Variants in SOX5 observed in about 807,000 individuals in gnomAD.
SOX5 encodes transcription factor SOX-5.
A neutral mutation model predicts 92.0 loss-of-function variants in SOX5; 9 were observed. The observed-to-expected ratio is 0.10, with a 90% CI of 0.06 to 0.17. SOX5 has a LOEUF of 0.17. SOX5 is among the 10% of genes least tolerant of loss of function. The pLI is 1.00. For synonymous variants in SOX5, 344 were observed against 336.3 expected (o/e 1.02, Z -0.25); for missense variants, 642 against 944.5 (o/e 0.68, Z 4.20).
chr12:23,801,318 C>A (rs1221522557), intron 3 of SOX5, among the ~76,000 whole-genome samples: 2 of 152,122 alleles, frequency 1.3e-5, no homozygotes, highest in African/African-American at 2.4e-5. Flanking sequence ...AGAACATGAA[C>A]AAGGAATAAG....
chr12:24,341,896 C>T (rs1357523024), intron 2 of SOX5, among the ~76,000 whole-genome samples: 1 of 152,194 alleles, frequency 6.6e-6, no homozygotes, highest in Admixed American at 6.5e-5. Context: ...AGGCCACCTC[C>T]TCCGTTGGTT....
At chr12:23,740,718 T>C in intron 5 of SOX5, 149 bp downstream of exon 5, 1 of 649,010 alleles carries the variant, frequency 1.5e-6, no homozygotes, top group Non-Finnish European at 2.4e-6. Flanking sequence ...TGGGTTTTTG[T>C]TTTGTTTTGC....
chr12:23,823,314 T>A (rs961926468), intron 3 of SOX5, among the ~76,000 whole-genome samples: 2 of 152,210 alleles, frequency 1.3e-5, no homozygotes, highest in African/African-American at 2.4e-5. Context: ...GGCCTGGTGG[T>A]GACAAAATTT....
At chr12:24,446,196 TAATAA>T (rs756003366) in intron 1 of SOX5, among the ~76,000 whole-genome samples, 4 of 152,156 alleles carry the variant, frequency 2.6e-5, no homozygotes, top group Non-Finnish European at 5.9e-5. Flanking sequence ...AACAAATGAC[TAATAA>T]ATTATTAAGA....
intron 4 of SOX5, among the ~76,000 whole-genome samples, chr12:24,119,763 A>T (rs991229572): frequency 6.6e-6 from 1 of 152,160 alleles, no homozygotes; most frequent in Admixed American, 6.5e-5. Context: ...TAACCAATAC[A>T]TCTGTGAAAT....
rs141201024 is a variant in SOX5 at position 23,819,773 on chromosome 12, C to T, written c.481+26210G>A. On this transcript the variant is annotated intron_variant, in intron 3 of 14. Coordinates refer to ENST00000451604, the MANE Select transcript of SOX5 (RefSeq NM_006940.6). ...GACATGAACTCATTTTTCTTTTTTA[C>T]GGCTGCATACCATTTCATGGTGTAT... 3.0e-4 allele frequency among the ~76,000 whole-genome samples: 45 copies of T among 152,016 alleles called. No individual in the cohort carries two copies. In the South Asian group the frequency reaches 3.5e-3, roughly 12 times the overall value.
At chr12:23,543,426 T>C (rs1393598838) in intron 12 of SOX5, 42 bp from the exon 13 acceptor site, 34 of 1,509,080 alleles carry the variant, frequency 2.3e-5, no homozygotes, top group Non-Finnish European at 2.9e-5. Flanking sequence ...GTTAAAACTT[T>C]TGTCAGCTCT....
chr12:23,896,233 A>G (rs1030874906), intron 1 of SOX5, among the ~76,000 whole-genome samples: 1 of 152,188 alleles, frequency 6.6e-6, no homozygotes, highest in Non-Finnish European at 1.5e-5. Flanking sequence ...TGTGAGAATA[A>G]TACACTAATA....
intron 4 of SOX5, among the ~76,000 whole-genome samples, chr12:24,090,982 T>C (rs1402293880): frequency 6.6e-6 from 1 of 152,206 alleles, no homozygotes; most frequent in Non-Finnish European, 1.5e-5. Context: ...AACATTCCAA[T>C]AAGCAAGAGT....
At position 23,530,410 on chromosome 12, in the gene SOX5, T is replaced by G. The variant is rs1453244622; in HGVS notation, c.*3809A>C. ...TTCTTTAAGTGAATTAAGGTAAAAT[T>G]CTACTCCGGAAATCAAATCTATAAA... On this transcript the variant is annotated 3_prime_UTR_variant, in exon 15 of 15. Coordinates refer to ENST00000451604, the MANE Select transcript of SOX5 (RefSeq NM_006940.6). 3.3e-5 allele frequency: 5 copies of G among 152,190 alleles called. No homozygotes were observed. Among genetic ancestry groups the G allele is most frequent in the Non-Finnish European group, 7.3e-5 (5 of 68,032 alleles). 9.4% of individuals were successfully genotyped at this position (152,190 alleles called of 1,614,324 possible). A position where few individuals can be genotyped will look rare whatever the true frequency, so the allele number is the denominator to read the frequency against.
intron 1 of SOX5, among the ~76,000 whole-genome samples, chr12:24,548,390 A>C (rs1479795957): frequency 6.6e-6 from 1 of 152,250 alleles, no homozygotes. Context: ...AAAGAGTAAA[A>C]TGTAATTTGG....
intron 4 of SOX5, among the ~76,000 whole-genome samples, chr12:24,213,157 A>G (rs1269064053): frequency 1.3e-5 from 2 of 152,158 alleles, no homozygotes; most frequent in African/African-American, 4.8e-5. Flanking sequence ...AATTATTTTC[A>G]TCTTCAAACT....
intron 1 of SOX5, among the ~76,000 whole-genome samples, chr12:23,928,599 T>C (rs181285594): frequency 7.2e-4 from 109 of 151,932 alleles, no homozygotes; most frequent in African/African-American, 2.4e-3. Flanking sequence ...AATAAAACAA[T>C]AAACAATAAA....
intron 4 of SOX5, among the ~76,000 whole-genome samples, chr12:23,956,745 G>A (rs1293223489): frequency 6.6e-6 from 1 of 152,066 alleles, no homozygotes; most frequent in African/African-American, 2.4e-5. Flanking sequence ...GAGTGCAGTG[G>A]TGTGACCTCG....
upstream of SOX5, among the ~76,000 whole-genome samples, chr12:23,950,685 C>A (rs1945469094): frequency 6.6e-6 from 1 of 152,200 alleles, no homozygotes; most frequent in Non-Finnish European, 1.5e-5. Context: ...TCTGCCCAGG[C>A]AGCCACAGAT....
intron 4 of SOX5, among the ~76,000 whole-genome samples, chr12:24,131,226 T>C (rs1276971354): frequency 2.0e-5 from 3 of 152,220 alleles, no homozygotes; most frequent in Non-Finnish European, 4.4e-5. Flanking sequence ...AAAATATGCA[T>C]AGCATGTGTT....
intron 1 of SOX5, among the ~76,000 whole-genome samples, chr12:24,492,012 G>A (rs917267517): frequency 6.6e-6 from 1 of 151,946 alleles, no homozygotes; most frequent in African/African-American, 2.4e-5. Flanking sequence ...AAACAACTTT[G>A]GTTAAAGCAA....
chr12:24,188,316 T>C (rs1361694279), intron 4 of SOX5, among the ~76,000 whole-genome samples: 5 of 152,214 alleles, frequency 3.3e-5, no homozygotes, highest in Non-Finnish European at 5.9e-5. Context: ...ATTTCTGAAA[T>C]ATTTATACCC....
intron 8 of SOX5, among the ~76,000 whole-genome samples, chr12:23,608,072 C>G (rs924784440): frequency 2.2e-5 from 3 of 134,518 alleles, no homozygotes; most frequent in Non-Finnish European, 4.6e-5. Flanking sequence ...GAGTTTGAGA[C>G]CAGCCTGGGC....
Sources: allele counts gnomAD v4.1 joint callset (sites outside exome capture counted in the v4.1 genomes callset), GRCh38; gene constraint gnomAD v4.1.1; transcripts MANE v1.5; gene names NCBI Gene and HGNC (gene_info 2026-07-23, HGNC 2026-07-21).